INPP4B: variants seen among roughly 807,000 people sequenced by gnomAD.
The protein encoded by INPP4B is inositol polyphosphate 4-phosphatase type II.
In INPP4B, 55 loss-of-function variants were observed where a neutral mutation model predicts 122.5. The ratio of observed to expected loss-of-function variants is 0.45; its 90% CI spans 0.36 to 0.56. The LOEUF (loss-of-function observed/expected upper bound fraction) is 0.56, where lower values mean the gene tolerates loss of function less well. Among genes scored for constraint, INPP4B ranks in the 20% least tolerant of loss-of-function variants. INPP4B has a pLI of 0.00. For synonymous variants in INPP4B, 403 were observed against 388.7 expected (o/e 1.04, Z -0.43); for missense variants, 1,000 against 1,097.7 (o/e 0.91, Z 1.26).
chr4:142,400,462 T>G (rs1026506186), intron 7 of INPP4B, among the ~76,000 whole-genome samples: 1 of 152,202 alleles, frequency 6.6e-6, no homozygotes, highest in Non-Finnish European at 1.5e-5. Flanking sequence ...AATTATAAGC[T>G]GTACTTTAAG....
At chr4:142,782,549 A>G (rs1030641458) in intron 1 of INPP4B, among the ~76,000 whole-genome samples, 6 of 151,520 alleles carry the variant, frequency 4.0e-5, no homozygotes, top group African/African-American at 1.5e-4. Flanking sequence ...ATCCCTGAGG[A>G]ATCTCCACAC....
At chr4:142,678,353 A>C (rs546288893) in intron 2 of INPP4B, among the ~76,000 whole-genome samples, 6 of 152,060 alleles carry the variant, frequency 3.9e-5, no homozygotes, top group Admixed American at 2.6e-4. Flanking sequence ...GATAATATGC[A>C]AGTAGTAACA....
chr4:142,125,526 G>A (rs1798276496), intron 18 of INPP4B, among the ~76,000 whole-genome samples: 1 of 151,976 alleles, frequency 6.6e-6, no homozygotes, highest in Non-Finnish European at 1.5e-5. Context: ...AACTTATCTT[G>A]TTCTCTCATC....
chr4:142,333,645 C>T (rs1479981963), intron 7 of INPP4B, among the ~76,000 whole-genome samples: 1 of 152,038 alleles, frequency 6.6e-6, no homozygotes, highest in Non-Finnish European at 1.5e-5. Flanking sequence ...ATTACAGGTA[C>T]TGAATTCAAC....
chr4:142,776,740 T>C (rs1191802946), intron 1 of INPP4B, among the ~76,000 whole-genome samples: 1 of 152,170 alleles, frequency 6.6e-6, no homozygotes, highest in Non-Finnish European at 1.5e-5. Context: ...TAATTTTGTG[T>C]TCTCTTGCTC....
At chr4:142,739,121 CAAAT>C (rs1767521111) in intron 1 of INPP4B, among the ~76,000 whole-genome samples, 1 of 152,132 alleles carries the variant, frequency 6.6e-6, no homozygotes, top group Admixed American at 6.6e-5. Flanking sequence ...TGAAAACCAT[CAAAT>C]AAACTTCAAA....
At chr4:142,538,160 T>C (rs914386850) in intron 2 of INPP4B, among the ~76,000 whole-genome samples, 1 of 152,134 alleles carries the variant, frequency 6.6e-6, no homozygotes, top group Admixed American at 6.6e-5. Flanking sequence ...ATTATCCACC[T>C]AAATCCTCAT....
chr4:142,450,244 G>A (rs983781415), intron 3 of INPP4B, among the ~76,000 whole-genome samples: 1 of 152,162 alleles, frequency 6.6e-6, no homozygotes, highest in Non-Finnish European at 1.5e-5. Context: ...GCCAGTTCAT[G>A]GCATGCCAAA....
chr4:142,257,746 T>C (rs1439230436), intron 11 of INPP4B, among the ~76,000 whole-genome samples: 1 of 152,274 alleles, frequency 6.6e-6, no homozygotes, highest in Middle Eastern at 3.4e-3. Flanking sequence ...ATGGGTAGGA[T>C]GAATCAATAT....
intron 1 of INPP4B, among the ~76,000 whole-genome samples, chr4:142,817,853 C>G (rs951689499): frequency 6.6e-6 from 1 of 152,036 alleles, no homozygotes; most frequent in Non-Finnish European, 1.5e-5. Flanking sequence ...TATATATTGA[C>G]GTTAAAAGGA....
Position 142,702,453 on chromosome 4 carries a change from G to A in INPP4B, c.-191+23386C>T, listed in dbSNP as rs1392969908. The stretch of plus-strand genomic sequence containing the variant: ...AAGCATGAACTTCGAGGCCAGGCGC[G>A]GTGGCTCACGCCTGTACTCCCAGCA... On this transcript the variant is annotated intron_variant, in intron 2 of 25. Transcript: ENST00000262992. Among the ~76,000 whole-genome samples, 12 of 152,078 alleles carry A rather than the reference G, an allele frequency of 7.9e-5. 1 individual carries two copies. In the East Asian group the frequency reaches 1.9e-3, roughly 24 times the overall value.
intron 25 of INPP4B, among the ~76,000 whole-genome samples, chr4:142,063,140 C>T (rs996393519): frequency 6.6e-6 from 1 of 152,120 alleles, no homozygotes; most frequent in African/African-American, 2.4e-5. Context: ...GATTGCTGAG[C>T]ATTTTCCTTA....
At chr4:142,478,311 T>C (rs1820063330) in intron 2 of INPP4B, among the ~76,000 whole-genome samples, 1 of 152,200 alleles carries the variant, frequency 6.6e-6, no homozygotes, top group African/African-American at 2.4e-5. Flanking sequence ...CCATATTATA[T>C]TGAATGAGTG....
At chr4:142,091,923 A>C (rs574712318) in intron 23 of INPP4B, among the ~76,000 whole-genome samples, 1 of 152,314 alleles carries the variant, frequency 6.6e-6, no homozygotes, top group South Asian at 2.1e-4. Flanking sequence ...CCCAGTCCCT[A>C]ATCTACTCAC....
At chr4:142,824,080 G>A (rs763406809) in intron 1 of INPP4B, among the ~76,000 whole-genome samples, 23 of 152,020 alleles carry the variant, frequency 1.5e-4, no homozygotes, top group Non-Finnish European at 2.6e-4. Flanking sequence ...TTGAACATGG[G>A]AGCTCCTGGT....
chr4:142,075,797 T>C (rs189704493), intron 25 of INPP4B, among the ~76,000 whole-genome samples: 161 of 152,080 alleles, frequency 1.1e-3, no homozygotes, highest in Non-Finnish European at 1.9e-3. Context: ...CCTTCACACG[T>C]TAGGAAACTG....
chr4:142,724,331 C>A (rs1051915665), intron 2 of INPP4B, among the ~76,000 whole-genome samples: 3 of 152,080 alleles, frequency 2.0e-5, no homozygotes, highest in Non-Finnish European at 4.4e-5. Context: ...TCCCTGCATG[C>A]TTTATTTATA....
At chr4:142,767,778 A>G (rs566234884) in intron 1 of INPP4B, 12 of 152,272 alleles carry the variant, frequency 7.9e-5, no homozygotes, top group African/African-American at 2.9e-4. Context: ...GAGTGTACAG[A>G]ATGCCTCTTA....
intron 20 of INPP4B, among the ~76,000 whole-genome samples, 161 bp downstream of exon 20, chr4:142,123,131 G>A (rs1360075615): frequency 6.6e-6 from 1 of 152,068 alleles, no homozygotes; most frequent in African/African-American, 2.4e-5. Context: ...GGAGGCAAAA[G>A]TAAGTTACAA....
Sources: allele counts gnomAD v4.1 joint callset (sites outside exome capture counted in the v4.1 genomes callset), GRCh38; gene constraint gnomAD v4.1.1; transcripts MANE v1.5; gene names NCBI Gene and HGNC (gene_info 2026-07-23, HGNC 2026-07-21).